Variants in TMEM132C observed in about 807,000 individuals in gnomAD.
The protein encoded by TMEM132C is transmembrane protein 132C.
Under a neutral mutation model 61.4 loss-of-function variants are expected in TMEM132C, and 29 were observed. The observed-to-expected ratio is 0.47, with a 90% CI of 0.35 to 0.64. TMEM132C has a LOEUF of 0.64. TMEM132C is among the 30% of genes least tolerant of loss of function. TMEM132C has a pLI of 0.00. For missense variants in TMEM132C, 1,408 were observed against 1,476.9 expected, an observed-to-expected ratio of 0.95 and a Z score of 0.76; for synonymous variants, 656 against 633.1, an observed-to-expected ratio of 1.04 and a Z score of -0.54.
chr12:128,616,170 T>C lies in TMEM132C; in HGVS notation c.1140T>C (p.Asn380=), dbSNP rs1157542398. The change falls in exon 4 of 9, where the codon AAT becomes AAC. Residue 380 remains asparagine, a synonymous_variant. Coordinates refer to ENST00000435159, the MANE Select transcript of TMEM132C (RefSeq NM_001136103.3). ...CTTCCAGGAGCAGCAGTTTATTCAA[T>C]GAGGTTGTGCAGATGAACTTTGAAA... ...SPRNRSSSLF[N]EVVQMNFEIA... is the part of the protein sequence containing the mutation. 1.0e-5 allele frequency: 16 copies of C among 1,551,484 alleles called. No homozygotes were observed. Among genetic ancestry groups the C allele is most frequent in the South Asian group, 1.2e-5 (1 of 84,048 alleles).
At chr12:128,364,541 C>T (rs1873805287) in intron 1 of TMEM132C, among the ~76,000 whole-genome samples, 1 of 152,156 alleles carries the variant, frequency 6.6e-6, no homozygotes, top group African/African-American at 2.4e-5. Flanking sequence ...AGAGAGGGGT[C>T]CTTTTCTTCC....
chr12:128,384,288 G>A (rs1381777282), intron 1 of TMEM132C, among the ~76,000 whole-genome samples: 2 of 152,196 alleles, frequency 1.3e-5, no homozygotes, highest in East Asian at 1.9e-4. Context: ...ATCTGGGGGC[G>A]CACCCTCCCT....
intron 1 of TMEM132C, among the ~76,000 whole-genome samples, chr12:128,395,297 A>C (rs965573028): frequency 6.6e-6 from 1 of 151,100 alleles, no homozygotes; most frequent in African/African-American, 2.5e-5. Flanking sequence ...TTGTTTTAAC[A>C]TAATTGTTTT....
intron 3 of TMEM132C, among the ~76,000 whole-genome samples, chr12:128,592,298 C>T (rs768549910): frequency 6.6e-6 from 1 of 152,190 alleles, no homozygotes; most frequent in Non-Finnish European, 1.5e-5. Context: ...TTATCTCCTA[C>T]TCACTGGCAC....
intron 2 of TMEM132C, among the ~76,000 whole-genome samples, chr12:128,430,247 T>C (rs1869338887): frequency 6.6e-6 from 1 of 152,154 alleles, no homozygotes. Flanking sequence ...CTTCCAGCCA[T>C]AGGGCAAGCA....
At chr12:128,669,721 CTT>C (rs1384601994) in intron 5 of TMEM132C, among the ~76,000 whole-genome samples, 161 bp downstream of exon 5, 2 of 152,222 alleles carry the variant, frequency 1.3e-5, no homozygotes, top group Non-Finnish European at 1.5e-5. Flanking sequence ...ATTGCCATCT[CTT>C]TGTTTTCACA....
chr12:128,333,023 ATTAT>A (rs1174870412), intron 1 of TMEM132C, among the ~76,000 whole-genome samples: 2 of 152,124 alleles, frequency 1.3e-5, no homozygotes, highest in East Asian at 1.9e-4. Context: ...TGCCTTACTG[ATTAT>A]TTGTGTGTAT....
At chr12:128,360,175 C>T (rs1873652551) in intron 1 of TMEM132C, among the ~76,000 whole-genome samples, 1 of 151,804 alleles carries the variant, frequency 6.6e-6, no homozygotes, top group African/African-American at 2.4e-5. Flanking sequence ...TAATAGGTCT[C>T]ATAGTCTAAT....
At chr12:128,419,543 C>G (rs1868909681) in intron 2 of TMEM132C, among the ~76,000 whole-genome samples, 1 of 151,068 alleles carries the variant, frequency 6.6e-6, no homozygotes, top group Non-Finnish European at 1.5e-5. Flanking sequence ...TGCTAGCATA[C>G]CTCTAACATC....
intron 2 of TMEM132C, among the ~76,000 whole-genome samples, chr12:128,521,327 G>T (rs1435607622): frequency 6.6e-6 from 1 of 151,726 alleles, no homozygotes; most frequent in African/African-American, 2.4e-5. Context: ...ATATGTGTGT[G>T]TGTGTGTGTG....
intron 3 of TMEM132C, among the ~76,000 whole-genome samples, chr12:128,589,435 C>T (rs997893624): frequency 5.3e-5 from 8 of 152,082 alleles, no homozygotes; most frequent in Non-Finnish European, 1.0e-4. Flanking sequence ...ACTGCCCGTC[C>T]GCCCACTGTG....
chr12:128,512,463 A>G (rs192274891), intron 2 of TMEM132C, among the ~76,000 whole-genome samples: 2 of 152,228 alleles, frequency 1.3e-5, no homozygotes, highest in African/African-American at 2.4e-5. Flanking sequence ...TCATTGCCAC[A>G]TAGTATTCCA....
At chr12:128,552,721 C>A (rs1302758169) in intron 3 of TMEM132C, among the ~76,000 whole-genome samples, 1 of 152,018 alleles carries the variant, frequency 6.6e-6, no homozygotes, top group Non-Finnish European at 1.5e-5. Context: ...AATTTGAGAC[C>A]AGCAGGCCAA....
In TMEM132C at chr12:128,333,626, G is replaced by A. The variant is rs114629420; in HGVS notation, c.85+66139G>A. On this transcript the variant is annotated intron_variant, in intron 1 of 8. Coordinates refer to ENST00000435159, the MANE Select transcript of TMEM132C (RefSeq NM_001136103.3). ...ATTTGTTAGAGTGTGTGGTTTGTGC[G>A]TGGTGTGTATGTGTTGTATGTGTGA... Among the ~76,000 whole-genome samples the A allele has an allele frequency of 7.7e-3, 1,163 of 151,754 alleles. 16 individuals are homozygous for A. The highest frequency in any genetic ancestry group is 0.027 in the African/African-American group (1,098 of 41,352).
At chr12:128,390,370 A>G (rs1295501787) in intron 1 of TMEM132C, among the ~76,000 whole-genome samples, 1 of 152,164 alleles carries the variant, frequency 6.6e-6, no homozygotes, top group Non-Finnish European at 1.5e-5. Context: ...TCCAGCTTCT[A>G]GAGGTGCCCA....
At chr12:128,700,276 T>G (rs1311698754) in intron 8 of TMEM132C, among the ~76,000 whole-genome samples, 1 of 152,178 alleles carries the variant, frequency 6.6e-6, no homozygotes, top group African/African-American at 2.4e-5. Context: ...TCTGGGCATG[T>G]GTTATTTTAA....
chr12:128,683,973 A>AATAG (rs1466196773), intron 5 of TMEM132C, among the ~76,000 whole-genome samples: 5 of 27,310 alleles, frequency 1.8e-4, no homozygotes, highest in Non-Finnish European at 3.5e-4. Flanking sequence ...TTTGAAATTA[A>AATAG]ATAAATAAAT....
chr12:128,674,763 G>T (rs1267266287), intron 5 of TMEM132C, among the ~76,000 whole-genome samples: 3 of 152,048 alleles, frequency 2.0e-5, no homozygotes, highest in African/African-American at 7.2e-5. Context: ...TGAGGTTTTT[G>T]GTGCAACCAT....
chr12:128,500,826 G>GATAT (rs150458369), intron 2 of TMEM132C, among the ~76,000 whole-genome samples: 2 of 150,822 alleles, frequency 1.3e-5, no homozygotes, highest in East Asian at 1.9e-4. Flanking sequence ...TCTACTCCCA[G>GATAT]ATATATATAT....
Sources: gnomAD v4.1 joint callset for allele counts (sites outside exome capture counted in the v4.1 genomes callset) on GRCh38, gnomAD v4.1.1 for gene constraint, MANE v1.5 for transcripts, NCBI Gene and HGNC (gene_info 2026-07-23, HGNC 2026-07-21) for gene names.